The following NSL1 variants were observed in gnomAD, a reference collection of about 807,000 sequenced individuals.
NSL1 encodes NSL1 component of MIS12 kinetochore complex.
Under a neutral mutation model 25.4 loss-of-function variants are expected in NSL1, and 11 were observed. The ratio of observed to expected loss-of-function variants is 0.43; its 90% CI spans 0.27 to 0.72. NSL1 has a LOEUF of 0.72. Among genes scored for constraint, NSL1 ranks in the 30% least tolerant of loss-of-function variants. The probability of loss-of-function intolerance (pLI) is 0.19; values close to 1 mark genes in which losing one functional copy is unlikely to be tolerated. For missense variants in NSL1, 330 were observed against 342.7 expected, an observed-to-expected ratio of 0.96 and a Z score of 0.29; for synonymous variants, 118 against 120.6, an observed-to-expected ratio of 0.98 and a Z score of 0.14.
chr1:212,727,251 A>T lies in NSL1; in HGVS notation c.*11157T>A, dbSNP rs544083013. The T allele has an allele frequency of 2.9e-6, 4 of 1,388,444 alleles. No individual in the cohort carries two copies. The highest frequency in any genetic ancestry group is 3.8e-6 in the Non-Finnish European group (4 of 1,061,882). 86.0% of individuals were successfully genotyped at this position (1,388,444 alleles called of 1,614,324 possible). ...CTGAAAACTATATATGGCTTTCAAG[A>T]CTTGCCTTGAGACTCAGAGCTGTTT... On this transcript the variant is annotated 3_prime_UTR_variant, in exon 6 of 6. Transcript: ENST00000366977.
At chr1:212,754,769 C>CCAAAAAAAAAAAA (rs1659223377) in intron 4 of NSL1, among the ~76,000 whole-genome samples, 1 of 71,318 alleles carries the variant, frequency 1.4e-5, no homozygotes, top group African/African-American at 6.1e-5. Context: ...AATTCTGTCT[C>CCAAAAAAAAAAAA]AAAAAAAAAA....
chr1:212,741,448 CG>C (rs1658501937), intron 4 of NSL1, among the ~76,000 whole-genome samples: 1 of 152,142 alleles, frequency 6.6e-6, no homozygotes, highest in Non-Finnish European at 1.5e-5. Context: ...GATTGGATCA[CG>C]GGGCGATTTC....
chr1:212,787,629 T>G lies in NSL1; in HGVS notation c.243A>C (p.Glu81Asp), dbSNP rs1202880695. 1.3e-6 allele frequency: 2 copies of G among 1,597,088 alleles called. No homozygotes were observed. The highest frequency in any genetic ancestry group is 1.7e-6 in the Non-Finnish European group (2 of 1,173,000). The change falls in exon 2 of 6, where the codon GAA becomes GAC. Residue 81 changes from glutamate (E) to aspartate (D), a missense_variant. Transcript: ENST00000366977. ...PALRDAQWTF[E>D]SAVQENISIN... ...TGCTGATATTCTCTTGCACAGCTGA[T>G]TCAAAAGTCTGCAATAAATTCACAG...
chr1:212,787,762 G>A, intron 1 of NSL1, 125 bp from the exon 2 acceptor site: 1 of 562,040 alleles, frequency 1.8e-6, no homozygotes, highest in South Asian at 2.7e-5. Context: ...TAGCTAATTA[G>A]TATATCTATT....
rs532313864 is a variant in NSL1 at position 212,730,237 on chromosome 1, C to CAAAAAAAAA, written c.*8162_*8170dup. 5.3e-5 allele frequency: 32 copies of CAAAAAAAAA among 603,908 alleles called. No homozygotes were observed. Among genetic ancestry groups the CAAAAAAAAA allele is most frequent in the Admixed American group, 4.1e-4 (1 of 2,458 alleles). 37.4% of individuals were successfully genotyped at this position (603,908 alleles called of 1,614,324 possible). On this transcript the variant is annotated 3_prime_UTR_variant, in exon 6 of 6. Transcript: ENST00000366977. ...TACACTCCAGCCTGGGTGACAGTCT[C>CAAAAAAAAA]AAAAAAAAAAAAAAAAAAAAAAAAA...
In NSL1 at chr1:212,737,665, G is replaced by GAAAT; in HGVS notation, c.*739_*742dup. 3 of 956,532 alleles carry GAAAT rather than the reference G, an allele frequency of 3.1e-6. No individual in the cohort carries two copies. Among genetic ancestry groups the GAAAT allele is most frequent in the Non-Finnish European group, 3.7e-6 (3 of 803,668 alleles). 59.3% of individuals were successfully genotyped at this position (956,532 alleles called of 1,614,324 possible). On this transcript the variant is annotated 3_prime_UTR_variant, in exon 6 of 6. Transcript: ENST00000366977. ...ATTTTGAACTGGAATGATTTGTAAA[G>GAAAT]AAATAAATAAGAAACCCTAAAAAGA...
At chr1:212,749,773 G>T (rs566968046) in intron 4 of NSL1, among the ~76,000 whole-genome samples, 1 of 151,742 alleles carries the variant, frequency 6.6e-6, no homozygotes, top group Non-Finnish European at 1.5e-5. Context: ...GTTTTCTATC[G>T]GTTGCACAAG....
chr1:212,778,815 C>T (rs1212240037), intron 4 of NSL1, among the ~76,000 whole-genome samples: 1 of 152,054 alleles, frequency 6.6e-6, no homozygotes, highest in East Asian at 1.9e-4. Flanking sequence ...TCTGCCCGGC[C>T]GCCACCCCGT....
Position 212,731,776 on chromosome 1 carries a change from G to C in NSL1, c.*6632C>G, listed in dbSNP as rs553695503. On this transcript the variant is annotated 3_prime_UTR_variant, in exon 6 of 6. Coordinates refer to ENST00000366977, the MANE Select transcript of NSL1 (RefSeq NM_015471.4). ...ACTCCCCACTGCCATGTCAAAGCTGGTGTTCAGACAGTCACACTGTTACAA... is the reference window on the plus strand; with the variant it reads ...ACTCCCCACTGCCATGTCAAAGCTGCTGTTCAGACAGTCACACTGTTACAA... The C allele has an allele frequency of 3.4e-4, 335 of 985,386 alleles. 1 individual carries two copies. In the African/African-American group the frequency reaches 5.5e-3, roughly 16 times the overall value. The allele number at this position is 985,386 out of a possible 1,614,324, so 61.0% of individuals were successfully genotyped here.
At chr1:212,788,602 G>A (rs1661049440) in intron 1 of NSL1, among the ~76,000 whole-genome samples, 1 of 151,992 alleles carries the variant, frequency 6.6e-6, no homozygotes, top group South Asian at 2.1e-4. Flanking sequence ...TGGACTAAAG[G>A]AATTCGGCAG....
In NSL1 at chr1:212,734,953, A is replaced by G. The variant is rs1444869541; in HGVS notation, c.*3455T>C. 1.3e-5 allele frequency among the ~76,000 whole-genome samples: 2 copies of G among 152,216 alleles called. No individual in the cohort carries two copies. The highest frequency in any genetic ancestry group is 3.8e-4 in the East Asian group (2 of 5,204). On this transcript the variant is annotated 3_prime_UTR_variant, in exon 6 of 6. Transcript: ENST00000366977. ...CAAAAGAAGTAATAACAGTGATCAT[A>G]GAGTACTCATATGCACCAGTTATTA...
intron 2 of NSL1, among the ~76,000 whole-genome samples, chr1:212,786,087 CTTCTT>C (rs1346087337): frequency 6.8e-6 from 1 of 147,118 alleles, no homozygotes; most frequent in African/African-American, 2.5e-5. Context: ...CCTTCCTTTC[CTTCTT>C]TTCTTTCCTT....
At position 212,731,005 on chromosome 1, in the gene NSL1, C is replaced by T; in HGVS notation, c.*7403G>A. The stretch of plus-strand genomic sequence containing the variant: ...GCAAAGTATGAGCAATGTAGAGACA[C>T]AGCAACGAATTACAAGGGATTCTTT... On this transcript the variant is annotated 3_prime_UTR_variant, in exon 6 of 6. Coordinates refer to ENST00000366977, the MANE Select transcript of NSL1 (RefSeq NM_015471.4). The T allele has an allele frequency of 1.0e-6, 1 of 985,364 alleles. No individual in the cohort carries two copies. The highest frequency in any genetic ancestry group is 1.2e-6 in the Non-Finnish European group (1 of 829,902). 61.0% of individuals were successfully genotyped at this position (985,364 alleles called of 1,614,324 possible).
chr1:212,737,891 C>G lies in NSL1; in HGVS notation c.*517G>C. ...TGAACATGGAGTAACAAAGTCAAAG[C>G]CAGTATTATCATCAGCACATTAATT... is the stretch of plus-strand genomic sequence containing the variant. On this transcript the variant is annotated 3_prime_UTR_variant, in exon 6 of 6. Transcript: ENST00000366977. 1.0e-6 allele frequency: 1 copy of G among 985,320 alleles called. No individual in the cohort carries two copies. The highest frequency in any genetic ancestry group is 1.2e-6 in the Non-Finnish European group (1 of 829,934). 61.0% of individuals were successfully genotyped at this position (985,320 alleles called of 1,614,324 possible). A position where few individuals can be genotyped will look rare whatever the true frequency, so the allele number is the denominator to read the frequency against.
chr1:212,747,618 A>T (rs1384048977), intron 4 of NSL1, among the ~76,000 whole-genome samples: 1 of 152,244 alleles, frequency 6.6e-6, no homozygotes, highest in Admixed American at 6.5e-5. Context: ...ACAGTAAGAG[A>T]TAACACATTT....
rs1657908799 is a variant in NSL1, at chr1:212,729,249, G to C, written c.*9159C>G. The C allele has an allele frequency of 1.0e-6, 1 of 985,242 alleles. No individual in the cohort carries two copies. 61.0% of individuals were successfully genotyped at this position (985,242 alleles called of 1,614,324 possible). On this transcript the variant is annotated 3_prime_UTR_variant, in exon 6 of 6. Transcript: ENST00000366977. Reference sequence around the variant, plus strand: ...GGAGCAGAAGTGCAGGTTTGCTTGGGCTCCTAGCCTCTCCCTCAGCTCCCT... The same window carrying C: ...GGAGCAGAAGTGCAGGTTTGCTTGGCCTCCTAGCCTCTCCCTCAGCTCCCT...
At chr1:212,767,239 T>C (rs760307326) in intron 4 of NSL1, among the ~76,000 whole-genome samples, 2 of 152,220 alleles carry the variant, frequency 1.3e-5, no homozygotes, top group African/African-American at 2.4e-5. Context: ...GGTATAAAAA[T>C]AGGCACACAG....
intron 4 of NSL1, among the ~76,000 whole-genome samples, chr1:212,761,431 G>A (rs1190181685): frequency 6.6e-6 from 1 of 152,112 alleles, no homozygotes; most frequent in East Asian, 1.9e-4. Flanking sequence ...CCTGAACCCA[G>A]GAGTTTGGGG....
rs368227584 is a variant in NSL1, at chr1:212,782,446, A to G, written c.445-20T>C. 21 of 1,546,622 alleles carry G rather than the reference A, an allele frequency of 1.4e-5. No individual in the cohort carries two copies. Among genetic ancestry groups the G allele is most frequent in the Admixed American group, 6.7e-5 (4 of 59,896 alleles). ...CTGCTTCTAAACATAACATAAATTA[A>G]AACAGATTTAATCACTTAATGCTTC... On this transcript the variant is annotated intron_variant, in intron 3 of 5. Coordinates refer to ENST00000366977, the MANE Select transcript of NSL1 (RefSeq NM_015471.4).
Sources: gnomAD v4.1 joint callset for allele counts (sites outside exome capture counted in the v4.1 genomes callset) on GRCh38, gnomAD v4.1.1 for gene constraint, MANE v1.5 for transcripts, NCBI Gene and HGNC (gene_info 2026-07-23, HGNC 2026-07-21) for gene names.